The following SLX4IP variants were observed in gnomAD, a reference collection of about 807,000 sequenced individuals.
SLX4IP encodes SLX4 interacting protein.
A neutral mutation model predicts 32.9 loss-of-function variants in SLX4IP; 34 were observed. The ratio of observed to expected loss-of-function variants is 1.03; its 90% CI spans 0.79 to 1.38. The LOEUF (loss-of-function observed/expected upper bound fraction) is 1.38. SLX4IP is among the 40% of genes most tolerant of loss of function. The probability of loss-of-function intolerance (pLI) is 0.00; values close to 1 mark genes in which losing one functional copy is unlikely to be tolerated. For synonymous variants in SLX4IP, 172 were observed against 171.7 expected (o/e 1.00, Z -0.01); for missense variants, 444 against 479.0 (o/e 0.93, Z 0.68).
intron 2 of SLX4IP, among the ~76,000 whole-genome samples, chr20:10,550,566 C>T (rs918059377): frequency 3.3e-5 from 5 of 152,228 alleles, no homozygotes; most frequent in Admixed American, 2.6e-4. Flanking sequence ...GTCTGCCTGG[C>T]TCCAGTGATT....
At chr20:10,592,540 T>C (rs1435444902) in intron 4 of SLX4IP, among the ~76,000 whole-genome samples, 1 of 151,864 alleles carries the variant, frequency 6.6e-6, no homozygotes, top group Non-Finnish European at 1.5e-5. Flanking sequence ...TGCAACTTTC[T>C]GAGTGACACA....
intron 6 of SLX4IP, among the ~76,000 whole-genome samples, chr20:10,602,340 CTCTG>C (rs2066852767): frequency 6.6e-6 from 1 of 152,046 alleles, no homozygotes; most frequent in Non-Finnish European, 1.5e-5. Context: ...CTGTCTCCTT[CTCTG>C]TCTCCCTTTT....
intron 1 of SLX4IP, among the ~76,000 whole-genome samples, chr20:10,453,318 G>A (rs4441537): frequency 5.1e-5 from 3 of 58,836 alleles, no homozygotes; most frequent in South Asian, 7.5e-4. Flanking sequence ...GTGTGTGTGT[G>A]TGTGTGTGTG....
At chr20:10,592,319 G>C (rs2066717514) in intron 4 of SLX4IP, among the ~76,000 whole-genome samples, 1 of 145,674 alleles carries the variant, frequency 6.9e-6, no homozygotes, top group African/African-American at 2.5e-5. Context: ...TTGGTTTTCA[G>C]TTCCCACAGA....
At chr20:10,438,260 G>T (rs1333382693) in intron 1 of SLX4IP, among the ~76,000 whole-genome samples, 2 of 151,178 alleles carry the variant, frequency 1.3e-5, no homozygotes, top group Non-Finnish European at 2.9e-5. Flanking sequence ...CTTTATTGAG[G>T]TATAACTGTT....
intron 2 of SLX4IP, among the ~76,000 whole-genome samples, chr20:10,490,752 T>A (rs943403191): frequency 6.6e-6 from 1 of 152,176 alleles, no homozygotes; most frequent in Non-Finnish European, 1.5e-5. Flanking sequence ...TTACAGTGTT[T>A]TTTTCACCAT....
rs549120491 is a variant in SLX4IP at position 10,549,565 on chromosome 20, G to A, written c.28-6666G>A. On this transcript the variant is annotated intron_variant, in intron 2 of 7. Transcript: ENST00000334534. ...GGGTTCCAGGCTAGACAGCCTAAAC[G>A]TGCTCCCACATGAGGCTGGAAGTGT... Among the ~76,000 whole-genome samples, 605 of 152,300 alleles carry A rather than the reference G, an allele frequency of 4.0e-3. 2 individuals carry two copies. The highest frequency in any genetic ancestry group is 0.014 in the African/African-American group (580 of 41,566).
At chr20:10,590,100 A>C (rs1010865388) in intron 4 of SLX4IP, among the ~76,000 whole-genome samples, 1 of 152,140 alleles carries the variant, frequency 6.6e-6, no homozygotes, top group Non-Finnish European at 1.5e-5. Flanking sequence ...CACTCGGTAC[A>C]TATTTGTTAA....
intron 2 of SLX4IP, among the ~76,000 whole-genome samples, chr20:10,530,535 G>T (rs934999986): frequency 6.6e-6 from 1 of 152,176 alleles, no homozygotes; most frequent in Non-Finnish European, 1.5e-5. Context: ...CATGGAGTCT[G>T]CGTGCTCACT....
At chr20:10,476,777 T>TA (rs1014400089) in intron 2 of SLX4IP, among the ~76,000 whole-genome samples, 2 of 151,922 alleles carry the variant, frequency 1.3e-5, no homozygotes, top group African/African-American at 4.8e-5. Flanking sequence ...TGTGTGTAGA[T>TA]AAAAAAAACT....
At chr20:10,557,812 CA>C (rs1654181209) in intron 3 of SLX4IP, among the ~76,000 whole-genome samples, 2 of 152,164 alleles carry the variant, frequency 1.3e-5, no homozygotes, top group African/African-American at 2.4e-5. Context: ...ACCTCATAGC[CA>C]AAGCGTGAGG....
intron 2 of SLX4IP, among the ~76,000 whole-genome samples, chr20:10,473,544 C>T (rs1176506134): frequency 2.6e-5 from 4 of 151,806 alleles, no homozygotes; most frequent in Admixed American, 2.0e-4. Context: ...TATTTTTCTG[C>T]CAGAGTGTGT....
At chr20:10,554,991 G>A (rs1430077033) in intron 2 of SLX4IP, among the ~76,000 whole-genome samples, 1 of 151,932 alleles carries the variant, frequency 6.6e-6, no homozygotes, top group Non-Finnish European at 1.5e-5. Context: ...AATATTTGGT[G>A]CTTTCTGGAT....
At chr20:10,525,918 T>G (rs958014520) in intron 2 of SLX4IP, among the ~76,000 whole-genome samples, 1 of 152,202 alleles carries the variant, frequency 6.6e-6, no homozygotes, top group African/African-American at 2.4e-5. Context: ...TGAGAAGGAA[T>G]GTGGATATGG....
chr20:10,526,595 A>T (rs1388890878), intron 2 of SLX4IP, among the ~76,000 whole-genome samples: 1 of 152,168 alleles, frequency 6.6e-6, no homozygotes, highest in Non-Finnish European at 1.5e-5. Flanking sequence ...ACAAATTGCC[A>T]CAAACCAAGT....
intron 6 of SLX4IP, among the ~76,000 whole-genome samples, chr20:10,619,587 C>T (rs1195928973): frequency 1.3e-5 from 2 of 152,140 alleles, no homozygotes; most frequent in Non-Finnish European, 2.9e-5. Flanking sequence ...TTTCTTCCAG[C>T]CTTGGGGAAT....
rs143927485 is a variant in SLX4IP at position 10,558,535 on chromosome 20, C to A, written c.118-2165C>A. Among the ~76,000 whole-genome samples, 422 of 152,154 alleles carry A rather than the reference C, an allele frequency of 2.8e-3. 1 individual carries two copies. Among genetic ancestry groups the A allele is most frequent in the African/African-American group, 9.6e-3 (400 of 41,496 alleles). On this transcript the variant is annotated intron_variant, in intron 3 of 7. Coordinates refer to ENST00000334534, the MANE Select transcript of SLX4IP (RefSeq NM_001009608.3). The stretch of plus-strand genomic sequence containing the variant: ...GATTTTATGAGCAACCAATTTGATT[C>A]CATTTTAACAGTCATTTTATACAGT...
intron 4 of SLX4IP, among the ~76,000 whole-genome samples, chr20:10,590,095 G>A (rs1370034738): frequency 1.3e-5 from 2 of 151,708 alleles, no homozygotes; most frequent in Admixed American, 6.6e-5. Flanking sequence ...ATAGGCACTC[G>A]GTACATATTT....
intron 2 of SLX4IP, among the ~76,000 whole-genome samples, chr20:10,479,068 C>T (rs1196067418): frequency 3.3e-5 from 5 of 152,206 alleles, no homozygotes; most frequent in Admixed American, 2.6e-4. Flanking sequence ...TGCCCAGATT[C>T]GGGACTGGCA....
Sources: allele counts gnomAD v4.1 joint callset (sites outside exome capture counted in the v4.1 genomes callset), GRCh38; gene constraint gnomAD v4.1.1; transcripts MANE v1.5; gene names NCBI Gene and HGNC (gene_info 2026-07-23, HGNC 2026-07-21).